NRG1: variants seen among roughly 807,000 people sequenced by gnomAD.
NRG1 encodes pro-neuregulin-1, membrane-bound isoform.
Under a neutral mutation model 63.8 loss-of-function variants are expected in NRG1, and 18 were observed. The observed-to-expected ratio is 0.28, with a 90% CI of 0.19 to 0.42. The LOEUF (loss-of-function observed/expected upper bound fraction) is 0.42, where lower values mean the gene tolerates loss of function less well. Ranked by LOEUF, NRG1 falls within the 10% of genes least tolerant of loss-of-function variation. NRG1 has a pLI of 1.00. For synonymous variants in NRG1, 302 were observed against 301.3 expected, an observed-to-expected ratio of 1.00 and a Z score of -0.02; for missense variants, 762 against 814.7, an observed-to-expected ratio of 0.94 and a Z score of 0.79.
At chr8:32,187,722 G>A (rs2132160351) in intron 1 of NRG1, among the ~76,000 whole-genome samples, 1 of 152,086 alleles carries the variant, frequency 6.6e-6, no homozygotes. Flanking sequence ...GGTAGAGGAG[G>A]GGTGGCGCAA....
chr8:32,676,796 G>A (rs1183292359), intron 5 of NRG1, among the ~76,000 whole-genome samples: 1 of 152,116 alleles, frequency 6.6e-6, no homozygotes, highest in Non-Finnish European at 1.5e-5. Context: ...GTACTGATAG[G>A]AGGAACAACA....
intron 1 of NRG1, among the ~76,000 whole-genome samples, chr8:32,562,435 G>C (rs896206574): frequency 6.6e-6 from 1 of 152,020 alleles, no homozygotes; most frequent in African/African-American, 2.4e-5. Context: ...ATTTTGTAGA[G>C]ATGGGGTCTT....
chr8:32,460,454 AT>A (rs1167422233), intron 1 of NRG1, among the ~76,000 whole-genome samples: 36 of 152,354 alleles, frequency 2.4e-4, no homozygotes, highest in African/African-American at 6.5e-4. Flanking sequence ...AGAGTTTACA[AT>A]TTGAGAGCAA....
intron 1 of NRG1, among the ~76,000 whole-genome samples, chr8:32,204,854 C>CA (rs1228353594): frequency 6.6e-6 from 1 of 152,102 alleles, no homozygotes; most frequent in Non-Finnish European, 1.5e-5. Context: ...TTTATGTCAG[C>CA]AAGCACATAT....
At chr8:32,123,005 A>G (rs562508764) in intron 1 of NRG1, among the ~76,000 whole-genome samples, 1 of 152,092 alleles carries the variant, frequency 6.6e-6, no homozygotes, top group Non-Finnish European at 1.5e-5. Flanking sequence ...AAAAATGAAG[A>G]ACTTTTTTAA....
chr8:32,107,546 G>A (rs1177407544), intron 1 of NRG1, among the ~76,000 whole-genome samples: 1 of 152,162 alleles, frequency 6.6e-6, no homozygotes, highest in Non-Finnish European at 1.5e-5. Context: ...AAGAGTTAGA[G>A]TTAATCATTC....
intron 5 of NRG1, among the ~76,000 whole-genome samples, chr8:32,727,144 C>T (rs1320347364): frequency 6.6e-6 from 1 of 152,074 alleles, no homozygotes; most frequent in Admixed American, 6.6e-5. Context: ...AATTCATGCA[C>T]CCACTTTCAT....
rs146857008 is a variant in NRG1 at position 32,392,135 on chromosome 8, C to T, written c.38-203693C>T. On this transcript the variant is annotated intron_variant, in intron 1 of 10. Transcript: ENST00000519301. Reference sequence around the variant, plus strand: ...CATTTAGGAAAAGCTGAGAGGCTGGCGATCACCATTATGAAGAGAGCAGCC... The same window carrying T: ...CATTTAGGAAAAGCTGAGAGGCTGGTGATCACCATTATGAAGAGAGCAGCC... 2.4e-3 allele frequency among the ~76,000 whole-genome samples: 368 copies of T among 152,188 alleles called. 3 individuals are homozygous for T. The highest frequency in any genetic ancestry group is 8.4e-3 in the African/African-American group (348 of 41,510).
intron 1 of NRG1, among the ~76,000 whole-genome samples, chr8:32,028,743 A>G: frequency 6.6e-6 from 1 of 152,324 alleles, no homozygotes; most frequent in South Asian, 2.1e-4. Flanking sequence ...CAAAAACTGC[A>G]AGAAGAATAT....
At chr8:32,147,855 T>C (rs974791338) in intron 1 of NRG1, among the ~76,000 whole-genome samples, 5 of 152,194 alleles carry the variant, frequency 3.3e-5, no homozygotes, top group Non-Finnish European at 7.3e-5. Flanking sequence ...GAATTCAGCA[T>C]TATCTTTATT....
intron 1 of NRG1, among the ~76,000 whole-genome samples, chr8:32,480,787 C>T (rs1825167285): frequency 2.6e-5 from 4 of 152,002 alleles, no homozygotes; most frequent in Admixed American, 1.3e-4. Context: ...GGGGAGGTGC[C>T]ACGCTCTTTT....
At chr8:32,163,200 C>A (rs1839031274) in intron 1 of NRG1, among the ~76,000 whole-genome samples, 1 of 152,174 alleles carries the variant, frequency 6.6e-6, no homozygotes, top group African/African-American at 2.4e-5. Context: ...AGCCTAGAGA[C>A]CCATGTGGCA....
At chr8:32,411,598 G>A (rs975253680) in intron 1 of NRG1, among the ~76,000 whole-genome samples, 6 of 152,104 alleles carry the variant, frequency 3.9e-5, no homozygotes, top group Non-Finnish European at 7.3e-5. Context: ...CCTTCATTAG[G>A]GCATTATGGA....
At chr8:32,737,512 C>T (rs1825370348) in intron 6 of NRG1, among the ~76,000 whole-genome samples, 5 of 151,938 alleles carry the variant, frequency 3.3e-5, no homozygotes. Context: ...GATCTTGCCA[C>T]TGTACTCCAG....
chr8:31,928,295 C>A (rs1834563427), intron 1 of NRG1, among the ~76,000 whole-genome samples: 1 of 147,670 alleles, frequency 6.8e-6, no homozygotes. Context: ...CCTTACCCCC[C>A]AGCCAGAATG....
intron 1 of NRG1, among the ~76,000 whole-genome samples, chr8:32,578,036 C>T (rs1839977349): frequency 6.6e-6 from 1 of 152,152 alleles, no homozygotes; most frequent in Admixed American, 6.5e-5. Flanking sequence ...ACACAGTCGC[C>T]TGGTCTGGAG....
chr8:32,703,317 T>C (rs1020088024), intron 5 of NRG1, among the ~76,000 whole-genome samples: 1 of 152,140 alleles, frequency 6.6e-6, no homozygotes, highest in Non-Finnish European at 1.5e-5. Flanking sequence ...GTAATAAATA[T>C]TATTAGTTCC....
intron 1 of NRG1, among the ~76,000 whole-genome samples, chr8:32,268,267 C>A (rs557093545): frequency 6.6e-6 from 1 of 152,282 alleles, no homozygotes; most frequent in South Asian, 2.1e-4. Flanking sequence ...AGTAAAGAAA[C>A]AAGCATAACT....
rs151102111 is a variant in NRG1 at position 31,850,228 on chromosome 8, T to C, written c.37+210797T>C. Among the ~76,000 whole-genome samples, 190 of 152,226 alleles carry C rather than the reference T, an allele frequency of 1.2e-3. 3 individuals are homozygous for C. The East Asian group carries it at 0.02, about 16-fold the overall frequency. ...ATAAGTGTAGGGTAATAAGGTGTGA[T>C]CTGATTGGATTCTGCAATGAGGTGT... On this transcript the variant is annotated intron_variant, in intron 1 of 10. Transcript: ENST00000519301.
Sources: gnomAD v4.1 joint callset for allele counts (sites outside exome capture counted in the v4.1 genomes callset) on GRCh38, gnomAD v4.1.1 for gene constraint, MANE v1.5 for transcripts, NCBI Gene and HGNC (gene_info 2026-07-23, HGNC 2026-07-21) for gene names.